PRH1: variants seen among roughly 807,000 people sequenced by gnomAD.
PRH1 encodes salivary acidic proline-rich phosphoprotein 1/2.
A neutral mutation model predicts 7.9 loss-of-function variants in PRH1; 7 were observed. That is an observed-to-expected ratio of 0.89 (90% CI 0.50 to 1.67). The LOEUF is 1.67. PRH1 is among the 40% of genes most tolerant of loss of function. PRH1 has a pLI of 0.00. For synonymous variants in PRH1, 45 were observed against 80.8 expected (o/e 0.56, Z 2.38); for missense variants, 109 against 223.6 (o/e 0.49, Z 3.27).
At chr12:11,040,233 T>C (rs1474166338) in intron 1 of PRH1, among the ~76,000 whole-genome samples, 1 of 152,216 alleles carries the variant, frequency 6.6e-6, no homozygotes, top group Non-Finnish European at 1.5e-5. Context: ...TCTCCAATCT[T>C]GGATTTTATT....
chr12:10,939,416 A>G (rs1950354905), intron 2 of PRH1, among the ~76,000 whole-genome samples: 2 of 152,222 alleles, frequency 1.3e-5, no homozygotes. Flanking sequence ...CAGACAGCTC[A>G]GCTGAGCTTC....
intron 1 of PRH1, among the ~76,000 whole-genome samples, chr12:11,100,194 A>T (rs1945194217): frequency 6.6e-6 from 1 of 152,174 alleles, no homozygotes; most frequent in African/African-American, 2.4e-5. Flanking sequence ...GAAATACCGG[A>T]ATGCATCATA....
intron 1 of PRH1, chr12:11,133,853 A>C: frequency 1.2e-6 from 2 of 1,614,190 alleles, no homozygotes; most frequent in Non-Finnish European, 1.7e-6. Flanking sequence ...CAACAGTATC[A>C]CCAGAACAAC....
chr12:11,022,620 C>CT, intron 1 of PRH1: 1 of 1,334,276 alleles, frequency 7.5e-7, no homozygotes, highest in Non-Finnish European at 1.0e-6. Flanking sequence ...GTTCTGAGTC[C>CT]TTTAACATCC....
At chr12:10,918,315 G>A (rs1457973127) in intron 2 of PRH1, among the ~76,000 whole-genome samples, 1 of 152,002 alleles carries the variant, frequency 6.6e-6, no homozygotes, top group Non-Finnish European at 1.5e-5. Context: ...AAACCACCAT[G>A]GCACACATTA....
At chr12:11,166,893 G>C (rs2136469034) in intron 1 of PRH1, among the ~76,000 whole-genome samples, 1 of 152,272 alleles carries the variant, frequency 6.6e-6, no homozygotes, top group South Asian at 2.1e-4. Flanking sequence ...CCAGCTTCTA[G>C]AAACTACCTG....
chr12:11,041,803 C>G (rs1942720693), intron 1 of PRH1, among the ~76,000 whole-genome samples: 1 of 152,020 alleles, frequency 6.6e-6, no homozygotes, highest in South Asian at 2.1e-4. Context: ...TGGGATAAAA[C>G]TAGAAATCAA....
chr12:11,060,059 A>G (rs955169352), intron 1 of PRH1, among the ~76,000 whole-genome samples: 18 of 152,114 alleles, frequency 1.2e-4, no homozygotes, highest in Non-Finnish European at 2.5e-4. Context: ...AGGAAGATAC[A>G]TGATTTTAAA....
intron 2 of PRH1, among the ~76,000 whole-genome samples, chr12:10,918,461 T>C (rs1484856076): frequency 1.3e-5 from 2 of 152,186 alleles, no homozygotes; most frequent in Non-Finnish European, 2.9e-5. Context: ...TATTCTTTTA[T>C]AGCAACATAA....
upstream of PRH1, chr12:11,171,604 G>C: frequency 8.2e-7 from 1 of 1,213,560 alleles, no homozygotes; most frequent in East Asian, 3.2e-5. Flanking sequence ...CAGCATGATG[G>C]CCGACTCCCA....
At chr12:11,141,497 A>G (rs1387409791) in intron 1 of PRH1, among the ~76,000 whole-genome samples, 2 of 152,130 alleles carry the variant, frequency 1.3e-5, no homozygotes, top group African/African-American at 4.8e-5. Context: ...ATTGTTTCTA[A>G]GAGAGGATTT....
chr12:11,143,922 C>A (rs920897847), intron 1 of PRH1, among the ~76,000 whole-genome samples: 1 of 152,208 alleles, frequency 6.6e-6, no homozygotes, highest in Non-Finnish European at 1.5e-5. Flanking sequence ...GTTGTCTGCA[C>A]AGAGTCCTGT....
intron 1 of PRH1, among the ~76,000 whole-genome samples, chr12:11,102,463 A>G (rs1448660369): frequency 7.0e-6 from 1 of 143,480 alleles, no homozygotes; most frequent in Non-Finnish European, 1.6e-5. Flanking sequence ...TATTTAATAA[A>G]TGGTGCTGGA....
At chr12:10,946,604 T>C (rs1950490835) in intron 2 of PRH1, among the ~76,000 whole-genome samples, 1 of 152,210 alleles carries the variant, frequency 6.6e-6, no homozygotes, top group African/African-American at 2.4e-5. Context: ...AATTCATTGA[T>C]CTTTTGAATG....
intron 2 of PRH1, chr12:10,938,922 T>C: frequency 6.2e-7 from 1 of 1,613,958 alleles, no homozygotes; most frequent in Non-Finnish European, 8.5e-7. Context: ...AACCAGACAC[T>C]AAAATGATTG....
intron 2 of PRH1, among the ~76,000 whole-genome samples, chr12:10,956,552 ACTGG>A (rs1409377856): frequency 1.5e-4 from 23 of 152,170 alleles, no homozygotes; most frequent in African/African-American, 5.5e-4. Context: ...ATTCAACAGT[ACTGG>A]AAGTCCTGGT....
At chr12:11,031,428 A>G (rs1381852629) in intron 1 of PRH1, 28 of 1,445,848 alleles carry the variant, frequency 1.9e-5, no homozygotes, top group Non-Finnish European at 2.6e-5. Context: ...GACTTCAAAA[A>G]TGGAGCCACC....
intron 2 of PRH1, among the ~76,000 whole-genome samples, chr12:10,911,584 G>T (rs984586866): frequency 6.6e-6 from 1 of 152,148 alleles, no homozygotes; most frequent in African/African-American, 2.4e-5. Context: ...GATGCAGTTT[G>T]CCAACGTTGT....
chr12:10,955,435 T>A lies in PRH1; in HGVS notation c.-59+18220A>T, dbSNP rs936995874. ...AATCTCTGGGATATGGATAAGGCAG[T>A]GTTAAGAGGAAAGTTCGTAGCAATA... On this transcript the variant is annotated intron_variant, in intron 2 of 3. Coordinates refer to the PRH1 transcript ENST00000539853. Among the ~76,000 whole-genome samples, 3 of 151,918 alleles carry A rather than the reference T, an allele frequency of 2.0e-5. No homozygotes were observed. The East Asian group carries it at 5.8e-4, about 29-fold the overall frequency.
Sources: gnomAD v4.1 joint callset for allele counts (sites outside exome capture counted in the v4.1 genomes callset) on GRCh38, gnomAD v4.1.1 for gene constraint, MANE v1.5 for transcripts, NCBI Gene and HGNC (gene_info 2026-07-23, HGNC 2026-07-21) for gene names.